TESK2: variants seen among roughly 807,000 people sequenced by gnomAD.
TESK2 encodes dual specificity testis-specific protein kinase 2.
A neutral mutation model predicts 57.1 loss-of-function variants in TESK2; 39 were observed. The ratio of observed to expected loss-of-function variants is 0.68; its 90% confidence interval spans 0.53 to 0.89. The LOEUF is 0.89. Among genes scored for constraint, TESK2 ranks in the 40% least tolerant of loss-of-function variants. The probability of loss-of-function intolerance (pLI) is 0.00; values close to 1 mark genes in which losing one functional copy is unlikely to be tolerated. For missense variants in TESK2, 646 were observed against 732.1 expected, an observed-to-expected ratio of 0.88 and a Z score of 1.36; for synonymous variants, 249 against 267.9, an observed-to-expected ratio of 0.93 and a Z score of 0.69.
intron 4 of TESK2, among the ~76,000 whole-genome samples, chr1:45,383,169 A>T (rs1045601555): frequency 6.6e-5 from 10 of 152,228 alleles, no homozygotes; most frequent in Non-Finnish European, 1.5e-4. Context: ...CCACCAACTG[A>T]AAAGTATTTG....
chr1:45,460,355 G>A (rs1330836030), intron 1 of TESK2, among the ~76,000 whole-genome samples: 3 of 151,622 alleles, frequency 2.0e-5, no homozygotes, highest in Non-Finnish European at 2.9e-5. Context: ...CTCTCTCTAC[G>A]AAAAACACAA....
At chr1:45,478,346 T>C (rs552723549) in intron 1 of TESK2, among the ~76,000 whole-genome samples, 12 of 152,326 alleles carry the variant, frequency 7.9e-5, no homozygotes, top group Admixed American at 7.9e-4. Context: ...ATAGTCATCA[T>C]ATAGTATTTT....
At chr1:45,434,974 C>CT (rs1403747504) in intron 2 of TESK2, among the ~76,000 whole-genome samples, 1 of 98,848 alleles carries the variant, frequency 1.0e-5, no homozygotes, top group Non-Finnish European at 2.2e-5. Flanking sequence ...TTTTTTTTTT[C>CT]TTTTTTTGAG....
At chr1:45,356,539 T>C (rs563643388) in intron 4 of TESK2, among the ~76,000 whole-genome samples, 76 of 149,740 alleles carry the variant, frequency 5.1e-4, no homozygotes, top group Middle Eastern at 3.3e-3. Flanking sequence ...CGCCTGAGCC[T>C]GGGAGGTTGA....
intron 1 of TESK2, among the ~76,000 whole-genome samples, chr1:45,460,249 C>T (rs1368379100): frequency 6.6e-6 from 1 of 152,000 alleles, no homozygotes; most frequent in Non-Finnish European, 1.5e-5. Context: ...GGCATGGTGA[C>T]TCACGCCTGA....
intron 3 of TESK2, among the ~76,000 whole-genome samples, chr1:45,420,879 C>T (rs531232856): frequency 1.1e-4 from 16 of 152,250 alleles, no homozygotes; most frequent in African/African-American, 3.9e-4. Flanking sequence ...TGAGCCATCG[C>T]GCCCAGCCAA....
intron 4 of TESK2, among the ~76,000 whole-genome samples, chr1:45,379,865 G>A (rs1557549591): frequency 6.6e-6 from 1 of 152,248 alleles, no homozygotes; most frequent in East Asian, 1.9e-4. Flanking sequence ...CATCGCCACA[G>A]AAGAAAATAA....
chr1:45,359,428 T>C (rs1461110953), intron 4 of TESK2, among the ~76,000 whole-genome samples: 8 of 149,576 alleles, frequency 5.3e-5, no homozygotes, highest in East Asian at 2.0e-4. Flanking sequence ...GGCATGGTGG[T>C]GGGTGCCTGT....
Position 45,345,248 on chromosome 1 carries a change from T to G in TESK2, c.1308A>C (p.Gly436=), listed in dbSNP as rs1222862646. 1 of 1,614,034 alleles carries G rather than the reference T, an allele frequency of 6.2e-7. No homozygotes were observed. The highest frequency in any genetic ancestry group is 1.3e-5 in the African/African-American group (1 of 74,892). Residue 436 remains glycine, a synonymous_variant, in exon 11 of 11, where the codon GGA becomes GGC. Coordinates refer to ENST00000372086, the MANE Select transcript of TESK2 (RefSeq NM_007170.3). The part of the protein sequence containing the change: ...LVFDLDAPGP[G]TMPLADWQEP... ...CCTGCCAGTCAGCCAGGGGCATAGTTCCGGGCCCTGGTGCATCCAGGTCAA... is the reference window on the plus strand; with the variant it reads ...CCTGCCAGTCAGCCAGGGGCATAGTGCCGGGCCCTGGTGCATCCAGGTCAA...
intron 2 of TESK2, among the ~76,000 whole-genome samples, chr1:45,446,134 A>G (rs781230830): frequency 1.3e-5 from 2 of 151,454 alleles, no homozygotes; most frequent in Non-Finnish European, 2.9e-5. Flanking sequence ...AATACCACTT[A>G]AGCTGTTTCA....
intron 3 of TESK2, among the ~76,000 whole-genome samples, chr1:45,401,265 C>A (rs1649586257): frequency 6.6e-6 from 1 of 151,726 alleles, no homozygotes; most frequent in Non-Finnish European, 1.5e-5. Flanking sequence ...GGCGTGGTTG[C>A]AGCTGCCTGT....
intron 4 of TESK2, among the ~76,000 whole-genome samples, chr1:45,378,194 C>T (rs993474961): frequency 2.0e-5 from 3 of 152,078 alleles, no homozygotes; most frequent in African/African-American, 7.2e-5. Context: ...GAGTTAACAG[C>T]ATGGGATAAC....
At chr1:45,445,447 C>T (rs899801737) in intron 2 of TESK2, among the ~76,000 whole-genome samples, 1 of 151,924 alleles carries the variant, frequency 6.6e-6, no homozygotes, top group African/African-American at 2.4e-5. Flanking sequence ...AAAACATCTA[C>T]CCTTGAAGAT....
intron 1 of TESK2, among the ~76,000 whole-genome samples, chr1:45,460,316 G>A (rs1652281998): frequency 6.6e-6 from 1 of 152,102 alleles, no homozygotes; most frequent in Non-Finnish European, 1.5e-5. Flanking sequence ...TCATGAGTTT[G>A]AGACCAGCTT....
intron 2 of TESK2, among the ~76,000 whole-genome samples, chr1:45,435,562 A>AT (rs750074178): frequency 0.046 from 3,166 of 68,896 alleles, 381 homozygotes; most frequent in African/African-American, 0.1. Context: ...CTGTGGTCTA[A>AT]TTTTTTTTTT....
At chr1:45,456,079 G>C (rs1341816791) in intron 2 of TESK2, among the ~76,000 whole-genome samples, 3 of 151,994 alleles carry the variant, frequency 2.0e-5, no homozygotes, top group Non-Finnish European at 2.9e-5. Flanking sequence ...TGTAGTCCCA[G>C]TTACTCTGGA....
chr1:45,379,893 T>A (rs190194264), intron 4 of TESK2, among the ~76,000 whole-genome samples: 55 of 152,126 alleles, frequency 3.6e-4, no homozygotes, highest in African/African-American at 1.2e-3. Flanking sequence ...TTATTTTTTT[T>A]TAAATTTTTT....
Position 45,345,880 on chromosome 1 carries a change from T to C in TESK2, c.994A>G (p.Arg332Gly), listed in dbSNP as rs2149262208. Residue 332 changes from arginine (R) to glycine (G), a missense_variant, in exon 10 of 11, where the codon AGG (arginine) becomes GGG (glycine). Transcript: ENST00000372086. The part of the protein sequence containing the change: ...ERDRKLQPTA[R>G]GLLEKAPGVK... ...GCTCCCTGGTCTAATCTCTTACCCC[T>C]GGCTGTGGGCTGCAGCTTCCTATCC... 1 of 1,613,476 alleles carries C rather than the reference T, an allele frequency of 6.2e-7. No individual in the cohort carries two copies. The highest frequency in any genetic ancestry group is 8.5e-7 in the Non-Finnish European group (1 of 1,179,546).
chr1:45,421,666 C>G, intron 3 of TESK2, 59 bp downstream of exon 3: 2 of 1,606,534 alleles, frequency 1.2e-6, no homozygotes, highest in Non-Finnish European at 1.7e-6. Flanking sequence ...TAGTGCTATT[C>G]TAGCAAGCCT....
Sources: allele counts gnomAD v4.1 joint callset (sites outside exome capture counted in the v4.1 genomes callset), GRCh38; gene constraint gnomAD v4.1.1; transcripts MANE v1.5; gene names NCBI Gene and HGNC (gene_info 2026-07-23, HGNC 2026-07-21).